Variants in PTPRE observed in about 807,000 individuals in gnomAD.
The protein encoded by PTPRE is receptor-type tyrosine-protein phosphatase epsilon.
PTPRE carries 51 observed loss-of-function variants against 102.0 expected under a neutral mutation model. The ratio of observed to expected loss-of-function variants is 0.50; its 90% CI spans 0.40 to 0.63. The LOEUF (loss-of-function observed/expected upper bound fraction) is 0.63, where lower values mean the gene tolerates loss of function less well. Ranked by LOEUF, PTPRE falls within the 30% of genes least tolerant of loss-of-function variation. The pLI is 0.00. For synonymous variants in PTPRE, 345 were observed against 348.2 expected (o/e 0.99, Z 0.10); for missense variants, 752 against 915.1 (o/e 0.82, Z 2.30).
intron 20 of PTPRE, among the ~76,000 whole-genome samples, chr10:128,082,169 G>T: frequency 8.1e-6 from 1 of 122,888 alleles, no homozygotes. Flanking sequence ...ATCTGGCAAT[G>T]TTAGTACTCT....
Position 127,923,149 on chromosome 10 carries a change from G to A in PTPRE, c.-31+15840G>A, listed in dbSNP as rs1222698329. ...GGCTGGCGTGCCATTCTTTTGACAT[G>A]AGTAATAGCAAAGCAAGTCCAAGAA... On this transcript the variant is annotated intron_variant, in intron 1 of 20. Transcript: ENST00000254667. Among the ~76,000 whole-genome samples, 4 of 152,234 alleles carry A rather than the reference G, an allele frequency of 2.6e-5. No individual in the cohort carries two copies. The East Asian group carries it at 5.8e-4, about 22-fold the overall frequency.
At chr10:128,021,211 G>A (rs1322494681) in intron 2 of PTPRE, among the ~76,000 whole-genome samples, 1 of 152,034 alleles carries the variant, frequency 6.6e-6, no homozygotes, top group Non-Finnish European at 1.5e-5. Flanking sequence ...CTTTTTTTCA[G>A]GTGGGATGGT....
chr10:127,976,701 A>G (rs1013964366), intron 1 of PTPRE, among the ~76,000 whole-genome samples: 17 of 152,208 alleles, frequency 1.1e-4, no homozygotes, highest in African/African-American at 4.1e-4. Context: ...ATAAGATTCT[A>G]CTAAACTCCT....
At chr10:127,986,970 C>G (rs983257103) in intron 2 of PTPRE, among the ~76,000 whole-genome samples, 1 of 152,204 alleles carries the variant, frequency 6.6e-6, no homozygotes, top group Non-Finnish European at 1.5e-5. Context: ...CCAATGGATT[C>G]CACGGGTTTC....
chr10:127,988,485 T>C (rs139170655), intron 2 of PTPRE, among the ~76,000 whole-genome samples: 97 of 152,208 alleles, frequency 6.4e-4, no homozygotes, highest in African/African-American at 1.9e-3. Context: ...TTTGTGTTTT[T>C]AGTAGAGATG....
intron 1 of PTPRE, among the ~76,000 whole-genome samples, chr10:127,970,272 G>A (rs1451179038): frequency 2.0e-5 from 3 of 152,178 alleles, no homozygotes; most frequent in Non-Finnish European, 4.4e-5. Flanking sequence ...TGCCACCCAA[G>A]AGCACCCTAA....
At chr10:128,034,322 A>ACCGCCCCC (rs1215235204) in intron 2 of PTPRE, among the ~76,000 whole-genome samples, 1 of 144,546 alleles carries the variant, frequency 6.9e-6, no homozygotes, top group African/African-American at 2.6e-5. Flanking sequence ...TCCCCTCCAC[A>ACCGCCCCC]CCACCCCCCC....
At chr10:128,075,173 A>G (rs903756486) in intron 17 of PTPRE, among the ~76,000 whole-genome samples, 2 of 152,194 alleles carry the variant, frequency 1.3e-5, no homozygotes, top group Non-Finnish European at 2.9e-5. Flanking sequence ...ATTTCATTAT[A>G]TTCCACTGCA....
Position 127,980,318 on chromosome 10 carries a change from G to T in PTPRE, c.-30-1956G>T, listed in dbSNP as rs184192200. Among the ~76,000 whole-genome samples the T allele has an allele frequency of 7.8e-3, 1,076 of 138,500 alleles. 14 individuals carry two copies. The highest frequency in any genetic ancestry group is 0.01 in the Non-Finnish European group (652 of 64,046). 90.9% of individuals were successfully genotyped at this position (138,500 alleles called of 152,430 possible). On this transcript the variant is annotated intron_variant, in intron 1 of 20. Transcript: ENST00000254667. The stretch of plus-strand genomic sequence containing the variant: ...TATCTTTTAAATTTTATTTATAATT[G>T]TTGTTTCCATATACAAATCCTTTTT...
At chr10:127,992,986 T>A (rs992933139) in intron 2 of PTPRE, among the ~76,000 whole-genome samples, 3 of 152,204 alleles carry the variant, frequency 2.0e-5, no homozygotes, top group Admixed American at 6.5e-5. Context: ...TGCATTTTTT[T>A]AATGTGTCTG....
chr10:127,980,988 T>C (rs1034863542), intron 1 of PTPRE, among the ~76,000 whole-genome samples: 3 of 152,314 alleles, frequency 2.0e-5, no homozygotes, highest in Admixed American at 1.3e-4. Flanking sequence ...CACAGGTAGA[T>C]AGCAGCCTAA....
intron 1 of PTPRE, chr10:127,935,954 C>G (rs1455534112): frequency 1.3e-5 from 2 of 152,296 alleles, no homozygotes; most frequent in African/African-American, 4.8e-5. Flanking sequence ...TCCCTCTGCT[C>G]TCACCTCAGG....
intron 2 of PTPRE, among the ~76,000 whole-genome samples, chr10:128,039,712 A>C (rs541948904): frequency 6.6e-6 from 1 of 150,722 alleles, no homozygotes; most frequent in South Asian, 2.1e-4. Context: ...GTCCATTTGC[A>C]TCCCTGAGGG....
At chr10:127,974,612 T>C (rs772398162) in intron 1 of PTPRE, among the ~76,000 whole-genome samples, 29 of 152,226 alleles carry the variant, frequency 1.9e-4, no homozygotes, top group Non-Finnish European at 2.2e-4. Context: ...TCTGTCCATG[T>C]ATTTTTTTTA....
intron 2 of PTPRE, among the ~76,000 whole-genome samples, chr10:127,996,488 A>G (rs1413836430): frequency 6.6e-6 from 1 of 152,248 alleles, no homozygotes; most frequent in East Asian, 1.9e-4. Context: ...CTCATTCCTT[A>G]CAGTAAAACC....
intron 3 of PTPRE, 152 bp from the exon 4 acceptor site, chr10:128,047,238 G>T: frequency 8.5e-7 from 1 of 1,174,230 alleles, no homozygotes; most frequent in South Asian, 1.6e-5. Flanking sequence ...TCGCTTCTCT[G>T]TTACCTCGTG....
intron 5 of PTPRE, 72 bp downstream of exon 5, chr10:128,047,909 C>A (rs1164882353): frequency 6.9e-7 from 1 of 1,448,902 alleles, no homozygotes; most frequent in Non-Finnish European, 9.3e-7. Context: ...GAGGTGCTTT[C>A]TGCCTTTAAC....
At position 128,075,484 on chromosome 10, in the gene PTPRE, C is replaced by T. The variant is rs117153153; in HGVS notation, c.1600-1119C>T. ...TGGCCCCAGTGTGTGTTGTTCCCCTCCCTGTGTCCTTGTGTTCTCCCTACC... is the reference window on the plus strand; with the variant it reads ...TGGCCCCAGTGTGTGTTGTTCCCCTTCCTGTGTCCTTGTGTTCTCCCTACC... On this transcript the variant is annotated intron_variant, in intron 17 of 20. Transcript: ENST00000254667. Among the ~76,000 whole-genome samples, 764 of 152,064 alleles carry T rather than the reference C, an allele frequency of 5.0e-3. 5 individuals carry two copies. The highest frequency in any genetic ancestry group is 0.01 in the Middle Eastern group (3 of 294).
At chr10:127,960,522 C>G (rs540927075) in intron 1 of PTPRE, among the ~76,000 whole-genome samples, 3 of 152,282 alleles carry the variant, frequency 2.0e-5, no homozygotes, top group East Asian at 1.9e-4. Context: ...GTGCCTCCCC[C>G]GAGTCCGGTC....
Sources: allele counts gnomAD v4.1 joint callset (sites outside exome capture counted in the v4.1 genomes callset), GRCh38; gene constraint gnomAD v4.1.1; transcripts MANE v1.5; gene names NCBI Gene and HGNC (gene_info 2026-07-23, HGNC 2026-07-21).